Variants in HECW2 observed in about 807,000 individuals in gnomAD.
HECW2 encodes HECT, C2 and WW domain containing E3 ubiquitin protein ligase 2.
HECW2 carries 61 observed loss-of-function variants against 175.2 expected under a neutral mutation model. That is an observed-to-expected ratio of 0.35 (90% confidence interval 0.28 to 0.43). The LOEUF is 0.43. HECW2 is among the 20% of genes least tolerant of loss of function. The pLI is 1.00. For missense variants in HECW2, 1,524 were observed against 2,000.5 expected (o/e 0.76, Z 4.54); for synonymous variants, 671 against 731.0 (o/e 0.92, Z 1.32).
At chr2:196,504,067 G>A (rs1043036074) in intron 1 of HECW2, among the ~76,000 whole-genome samples, 3 of 152,100 alleles carry the variant, frequency 2.0e-5, no homozygotes, top group Admixed American at 6.5e-5. Context: ...AGGCCGAGGC[G>A]GGCAGATCAT....
chr2:196,385,071 C>T (rs968876612), intron 2 of HECW2, among the ~76,000 whole-genome samples: 2 of 151,890 alleles, frequency 1.3e-5, no homozygotes, highest in African/African-American at 4.8e-5. Context: ...CACCAGTTAC[C>T]ATGTCCAGCT....
intron 2 of HECW2, among the ~76,000 whole-genome samples, chr2:196,432,337 G>T (rs1695740622): frequency 6.6e-6 from 1 of 152,124 alleles, no homozygotes; most frequent in Non-Finnish European, 1.5e-5. Flanking sequence ...ATTTTGGAGA[G>T]AATTTTCTTC....
chr2:196,529,894 T>C (rs1315047023), intron 1 of HECW2, among the ~76,000 whole-genome samples: 1 of 152,242 alleles, frequency 6.6e-6, no homozygotes, highest in Admixed American at 6.5e-5. Context: ...AGTTATTAGC[T>C]GGAGGTCACA....
intron 1 of HECW2, among the ~76,000 whole-genome samples, chr2:196,543,297 T>C (rs73989984): frequency 0.012 from 1,768 of 151,094 alleles, 31 homozygotes; most frequent in African/African-American, 0.04. Context: ...TTTATATATA[T>C]AAATTTGTTG....
chr2:196,349,520 C>A (rs557508415), intron 2 of HECW2, among the ~76,000 whole-genome samples: 2 of 150,938 alleles, frequency 1.3e-5, no homozygotes, highest in East Asian at 3.9e-4. Context: ...AAAAGTGAAA[C>A]GTGTGTGTGT....
Position 196,396,828 on chromosome 2 carries a change from A to AAC in HECW2, c.292+36303_292+36304insGT, listed in dbSNP as rs148015627. 8.6e-4 allele frequency among the ~76,000 whole-genome samples: 130 copies of AAC among 150,768 alleles called. No homozygotes were observed. The South Asian group carries it at 9.6e-3, about 11-fold the overall frequency. On this transcript the variant is annotated intron_variant, in intron 2 of 28. Transcript: ENST00000644978. ...TGCATATATTCCAATTAAAAAAAAA[A>AAC]TGGCCGGGTGTGGTGTCTCACACCT... is the stretch of plus-strand genomic sequence containing the variant.
chr2:196,560,502 C>T (rs964700693), intron 1 of HECW2, among the ~76,000 whole-genome samples: 2 of 152,052 alleles, frequency 1.3e-5, no homozygotes, highest in African/African-American at 2.4e-5. Context: ...TGTCCCTGTC[C>T]CAGGGAACTG....
intron 2 of HECW2, among the ~76,000 whole-genome samples, chr2:196,410,211 A>G (rs978106467): frequency 7.9e-5 from 12 of 152,224 alleles, no homozygotes; most frequent in African/African-American, 2.7e-4. Flanking sequence ...ATTTGTAAAT[A>G]TGATCTTTGT....
At chr2:196,262,268 C>T (rs557440221) in intron 17 of HECW2, among the ~76,000 whole-genome samples, 1 of 152,136 alleles carries the variant, frequency 6.6e-6, no homozygotes, top group East Asian at 1.9e-4. Context: ...CTCAAGTGAT[C>T]CTCCTGCCTC....
intron 2 of HECW2, among the ~76,000 whole-genome samples, chr2:196,408,975 C>T (rs750304439): frequency 2.6e-5 from 4 of 152,206 alleles, no homozygotes; most frequent in Non-Finnish European, 5.9e-5. Flanking sequence ...AGAATACAAT[C>T]AATGGTGTGC....
chr2:196,382,541 T>C (rs1694237336), intron 2 of HECW2, among the ~76,000 whole-genome samples: 1 of 151,968 alleles, frequency 6.6e-6, no homozygotes, highest in South Asian at 2.1e-4. Flanking sequence ...TGTATTCAGA[T>C]TTTGTAAATC....
chr2:196,225,731 A>G, intron 23 of HECW2, 41 bp downstream of exon 23: 1 of 1,239,382 alleles, frequency 8.1e-7, no homozygotes, highest in Middle Eastern at 1.9e-4. Context: ...TAAATACTGC[A>G]TTTTACATGC....
chr2:196,581,555 T>A (rs13425913), intron 1 of HECW2, among the ~76,000 whole-genome samples: 5,348 of 151,996 alleles, frequency 0.035, 312 homozygotes, highest in African/African-American at 0.12. Flanking sequence ...AAATAAAAGA[T>A]AAAAATAATA....
intron 1 of HECW2, among the ~76,000 whole-genome samples, chr2:196,433,728 G>T (rs1050657599): frequency 5.3e-5 from 8 of 152,128 alleles, no homozygotes; most frequent in Admixed American, 1.3e-4. Flanking sequence ...AAGGAGGAGA[G>T]GATTTCCTTG....
At position 196,228,202 on chromosome 2, in the gene HECW2, G is replaced by C; in HGVS notation, c.3817C>G (p.Leu1273Val). ...REFFFLVSRELFNPYYGLFEY... is the reference protein window; with the variant it reads ...REFFFLVSREVFNPYYGLFEY... ...AATAAGCCATAATATGGGTTAAAGA[G>C]TTCTCTGGATACCAGGAAGAAAAAC... The change falls in exon 22 of 29, where the codon CTC becomes GTC. Residue 1273 changes from leucine (L) to valine (V), a missense_variant. Physicochemically the swap from Leu to Val is conservative, Grantham distance 32. Transcript: ENST00000644978. 2 of 1,613,450 alleles carry C rather than the reference G, an allele frequency of 1.2e-6. No individual in the cohort carries two copies. Among genetic ancestry groups the C allele is most frequent in the South Asian group, 2.2e-5 (2 of 91,024 alleles).
chr2:196,582,314 C>A (rs1279483258), intron 1 of HECW2, among the ~76,000 whole-genome samples: 1 of 152,132 alleles, frequency 6.6e-6, no homozygotes, highest in African/African-American at 2.4e-5. Flanking sequence ...GCTACGGTTA[C>A]ACTTCTCTTC....
chr2:196,412,079 C>A (rs761979044), intron 2 of HECW2, among the ~76,000 whole-genome samples: 2 of 152,082 alleles, frequency 1.3e-5, no homozygotes, highest in Non-Finnish European at 2.9e-5. Context: ...GTTTAAGGTT[C>A]ATTATTTATG....
At position 196,306,515 on chromosome 2, in the gene HECW2, C is replaced by T. The variant is rs1216376913; in HGVS notation, c.2787G>A (p.Glu929=). ...SPPVKFLISP[E]FFTVLHSNPS... is the part of the protein sequence containing the mutation. ...GGTTAGAATGCAGCACGGTGAAGAA[C>T]TCTGGGCTGATGAGGAACTTCACGG... is the stretch of plus-strand genomic sequence containing the variant. The change falls in exon 13 of 29, where the codon GAG becomes GAA. Residue 929 remains glutamate, a synonymous_variant. Transcript: ENST00000644978. 6.2e-7 allele frequency: 1 copy of T among 1,611,648 alleles called. No homozygotes were observed. The highest frequency in any genetic ancestry group is 1.1e-5 in the South Asian group (1 of 90,708).
At chr2:196,419,209 C>G (rs1438503997) in intron 2 of HECW2, among the ~76,000 whole-genome samples, 1 of 152,032 alleles carries the variant, frequency 6.6e-6, no homozygotes, top group Non-Finnish European at 1.5e-5. Flanking sequence ...TATAAAATAC[C>G]TAAGGGAGTA....
Sources: allele counts gnomAD v4.1 joint callset (sites outside exome capture counted in the v4.1 genomes callset), GRCh38; gene constraint gnomAD v4.1.1; transcripts MANE v1.5; gene names NCBI Gene and HGNC (gene_info 2026-07-23, HGNC 2026-07-21).